BRINP3: variants seen among roughly 807,000 people sequenced by gnomAD.
BRINP3 encodes BMP/retinoic acid-inducible neural-specific protein 3.
BRINP3 carries 19 observed loss-of-function variants against 71.0 expected under a neutral mutation model. The observed-to-expected ratio is 0.27, with a 90% CI of 0.19 to 0.39. The LOEUF is 0.39. Among genes scored for constraint, BRINP3 ranks in the 10% least tolerant of loss-of-function variants. The pLI is 1.00. For missense variants in BRINP3, 959 were observed against 940.8 expected (o/e 1.02, Z -0.25); for synonymous variants, 380 against 337.7 (o/e 1.13, Z -1.37).
intron 6 of BRINP3, among the ~76,000 whole-genome samples, chr1:190,200,093 C>G (rs558790748): frequency 6.6e-6 from 1 of 152,052 alleles, no homozygotes; most frequent in African/African-American, 2.4e-5. Flanking sequence ...CATCGATACA[C>G]CAAGCTTTGT....
intron 3 of BRINP3, among the ~76,000 whole-genome samples, chr1:190,279,008 G>C (rs1265098554): frequency 1.3e-5 from 2 of 151,640 alleles, no homozygotes; most frequent in African/African-American, 4.8e-5. Context: ...TGGTGTTTTT[G>C]ATCTCTTCTG....
chr1:190,347,368 C>T (rs182286092), intron 2 of BRINP3, among the ~76,000 whole-genome samples: 1 of 152,186 alleles, frequency 6.6e-6, no homozygotes, highest in Non-Finnish European at 1.5e-5. Flanking sequence ...TCTCAATCTC[C>T]TGACCTCATG....
At chr1:190,280,250 G>T (rs905780520) in intron 3 of BRINP3, among the ~76,000 whole-genome samples, 1 of 151,740 alleles carries the variant, frequency 6.6e-6, no homozygotes, top group African/African-American at 2.4e-5. Flanking sequence ...TTGTGACTGT[G>T]ACTGAAAAAT....
chr1:190,114,627 G>T lies in BRINP3; in HGVS notation c.1185-15493C>A, dbSNP rs1652978788. On this transcript the variant is annotated intron_variant, in intron 7 of 7. Coordinates refer to ENST00000367462, the MANE Select transcript of BRINP3 (RefSeq NM_199051.3). The stretch of plus-strand genomic sequence containing the variant: ...TTGTAATTATATTACACCAAAGTAG[G>T]ATCATATCACGGCTCAAATCACAGT... 4.0e-5 allele frequency among the ~76,000 whole-genome samples: 6 copies of T among 151,180 alleles called. No homozygotes were observed. The Admixed American group carries it at 4.0e-4, about 10-fold the overall frequency.
At chr1:190,295,117 TGTA>T (rs1664152548) in intron 2 of BRINP3, among the ~76,000 whole-genome samples, 1 of 152,004 alleles carries the variant, frequency 6.6e-6, no homozygotes, top group African/African-American at 2.4e-5. Context: ...GGTCAAGGCC[TGTA>T]GTCACTGCTG....
intron 6 of BRINP3, among the ~76,000 whole-genome samples, chr1:190,190,959 T>C (rs141110907): frequency 6.6e-6 from 1 of 152,250 alleles, no homozygotes; most frequent in African/African-American, 2.4e-5. Flanking sequence ...ATAGCAGATA[T>C]TATAGGCATT....
intron 6 of BRINP3, among the ~76,000 whole-genome samples, chr1:190,187,518 T>C (rs1406447815): frequency 8.0e-4 from 121 of 152,104 alleles, no homozygotes; most frequent in Admixed American, 7.8e-3. Context: ...TTGGGTCTTA[T>C]ATTTAATTAT....
At position 190,412,467 on chromosome 1, in the gene BRINP3, T is replaced by G. The variant is rs867098554; in HGVS notation, c.236+42188A>C. On this transcript the variant is annotated intron_variant, in intron 2 of 7. Transcript: ENST00000367462. ...TTTTGTTTTGTTTTGTTTTTTTTTGTTTTTTTTTTTTTTGAGACGGAGTCT... is the reference window on the plus strand; with the variant it reads ...TTTTGTTTTGTTTTGTTTTTTTTTGGTTTTTTTTTTTTTGAGACGGAGTCT... Among the ~76,000 whole-genome samples the G allele has an allele frequency of 6.8e-5, 8 of 116,848 alleles. No homozygotes were observed. In the South Asian group the frequency reaches 1.7e-3, roughly 25 times the overall value. 76.7% of individuals were successfully genotyped at this position (116,848 alleles called of 152,430 possible).
chr1:190,285,009 G>T (rs1241239664), intron 2 of BRINP3, among the ~76,000 whole-genome samples: 6 of 152,054 alleles, frequency 3.9e-5, no homozygotes, highest in Non-Finnish European at 8.8e-5. Flanking sequence ...AGGTTAGTTT[G>T]TGTAGACAAC....
At chr1:190,147,758 G>A (rs1656015583) in intron 7 of BRINP3, among the ~76,000 whole-genome samples, 2 of 152,126 alleles carry the variant, frequency 1.3e-5, no homozygotes, top group African/African-American at 2.4e-5. Flanking sequence ...TTATAACCAT[G>A]TACTACTTGA....
chr1:190,345,715 G>GAAAAA lies in BRINP3; in HGVS notation c.237-63970_237-63966dup, dbSNP rs10664849. 4.3e-4 allele frequency among the ~76,000 whole-genome samples: 45 copies of GAAAAA among 103,620 alleles called. 1 individual carries two copies. The highest frequency in any genetic ancestry group is 3.9e-3 in the East Asian group (14 of 3,568). 68.0% of individuals were successfully genotyped at this position (103,620 alleles called of 152,430 possible). ...ACAACCAAATAGCCATTTACCTTCA[G>GAAAAA]AAAAAAAAAAAAAAAAAGAACACTT... On this transcript the variant is annotated intron_variant, in intron 2 of 7. Coordinates refer to ENST00000367462, the MANE Select transcript of BRINP3 (RefSeq NM_199051.3).
chr1:190,163,032 CT>C (rs968363768), intron 6 of BRINP3, among the ~76,000 whole-genome samples: 3 of 152,084 alleles, frequency 2.0e-5, no homozygotes, highest in Non-Finnish European at 4.4e-5. Context: ...AAACTAACAT[CT>C]TCAGTATCTG....
intron 2 of BRINP3, among the ~76,000 whole-genome samples, chr1:190,330,612 C>T (rs1442929200): frequency 2.0e-5 from 3 of 151,976 alleles, no homozygotes; most frequent in African/African-American, 7.2e-5. Flanking sequence ...CCATTAGACC[C>T]AGCAATCCCA....
intron 6 of BRINP3, among the ~76,000 whole-genome samples, chr1:190,193,608 T>C (rs1391829652): frequency 6.6e-6 from 1 of 152,086 alleles, no homozygotes; most frequent in Non-Finnish European, 1.5e-5. Context: ...GATCTCAACA[T>C]TGACTTAGAA....
Position 190,160,727 on chromosome 1 carries a change from C to G in BRINP3, c.1125G>C (p.Lys375Asn), listed in dbSNP as rs1657277899. Residue 375 changes from lysine (K) to asparagine (N), a missense_variant, in exon 7 of 8, where the codon AAG becomes AAC. Lys to Asn is a moderately conservative substitution (Grantham distance 94, BLOSUM62 0). Coordinates refer to ENST00000367462, the MANE Select transcript of BRINP3 (RefSeq NM_199051.3). ...LFLKAQKIVH[K>N]LFSLSKRCHK... ...GACACCTCTTGCTAAGGCTAAAAAG[C>G]TTGTGTACAATTTTCTGCGCCTTTA... The G allele has an allele frequency of 1.2e-6, 2 of 1,613,494 alleles. No homozygotes were observed. Among genetic ancestry groups the G allele is most frequent in the Non-Finnish European group, 1.7e-6 (2 of 1,179,674 alleles).
chr1:190,305,559 G>C (rs1665036080), intron 2 of BRINP3, among the ~76,000 whole-genome samples: 1 of 151,584 alleles, frequency 6.6e-6, no homozygotes, highest in Non-Finnish European at 1.5e-5. Context: ...TCTCATGAAA[G>C]AAGAATAGTG....
intron 7 of BRINP3, among the ~76,000 whole-genome samples, chr1:190,114,775 A>G (rs2102295242): frequency 6.6e-6 from 1 of 152,096 alleles, no homozygotes; most frequent in East Asian, 1.9e-4. Flanking sequence ...TTCTCACTCC[A>G]CTACAGCTTC....
chr1:190,284,477 T>C (rs1419563217), intron 2 of BRINP3, among the ~76,000 whole-genome samples: 1 of 152,004 alleles, frequency 6.6e-6, no homozygotes, highest in Non-Finnish European at 1.5e-5. Context: ...CTTTAGAGTA[T>C]TTTTCTGTGT....
intron 2 of BRINP3, among the ~76,000 whole-genome samples, chr1:190,292,490 A>T (rs1036224594): frequency 6.6e-6 from 1 of 152,168 alleles, no homozygotes; most frequent in African/African-American, 2.4e-5. Context: ...CTCTACAAAA[A>T]AATAAAAAAT....
Sources: gnomAD v4.1 joint callset for allele counts (sites outside exome capture counted in the v4.1 genomes callset) on GRCh38, gnomAD v4.1.1 for gene constraint, MANE v1.5 for transcripts, NCBI Gene and HGNC (gene_info 2026-07-23, HGNC 2026-07-21) for gene names.